The following RNF13 variants were observed in gnomAD, a reference collection of about 807,000 sequenced individuals.
The protein encoded by RNF13 is ring finger protein 13, also known as E3 ubiquitin-protein ligase RNF13.
A neutral mutation model predicts 37.7 loss-of-function variants in RNF13; 19 were observed. The observed-to-expected ratio is 0.50, with a 90% CI of 0.35 to 0.74. The LOEUF (loss-of-function observed/expected upper bound fraction) is 0.74, where lower values mean the gene tolerates loss of function less well. Ranked by LOEUF, RNF13 falls within the 30% of genes least tolerant of loss-of-function variation. The pLI is 0.01. For missense variants in RNF13, 375 were observed against 453.0 expected, an observed-to-expected ratio of 0.83 and a Z score of 1.56; for synonymous variants, 144 against 157.8, an observed-to-expected ratio of 0.91 and a Z score of 0.65.
At chr3:149,948,808 C>CT (rs775624922) in intron 8 of RNF13, among the ~76,000 whole-genome samples, 23 of 152,210 alleles carry the variant, frequency 1.5e-4, no homozygotes, top group Non-Finnish European at 3.2e-4. Context: ...GGGCGGATCA[C>CT]TTGAGTTCAG....
chr3:149,861,829 A>G (rs769858997), intron 3 of RNF13, among the ~76,000 whole-genome samples: 2 of 152,158 alleles, frequency 1.3e-5, no homozygotes, highest in African/African-American at 2.4e-5. Context: ...ACTCAAGGTA[A>G]TAGGTTCCTC....
At chr3:149,828,232 A>G (rs967076390) in intron 1 of RNF13, among the ~76,000 whole-genome samples, 4 of 152,202 alleles carry the variant, frequency 2.6e-5, no homozygotes, top group Non-Finnish European at 5.9e-5. Flanking sequence ...AGTGCAAGTT[A>G]CTATTTTCCT....
chr3:149,952,097 G>C lies in RNF13; in HGVS notation c.701-7959G>C, dbSNP rs140478898. 2.6e-3 allele frequency among the ~76,000 whole-genome samples: 400 copies of C among 152,170 alleles called. 2 individuals carry two copies. Among genetic ancestry groups the C allele is most frequent in the African/African-American group, 9.2e-3 (381 of 41,498 alleles). On this transcript the variant is annotated intron_variant, in intron 8 of 9. Coordinates refer to ENST00000392894, the MANE Select transcript of RNF13 (RefSeq NM_183381.3). ...GACCATTTTTGAGACAAACTAATTT[G>C]CTGAAAGTTCAAGTCTACTAGCAGT...
intron 1 of RNF13, among the ~76,000 whole-genome samples, chr3:149,835,633 TTGTGTGTGTGTGTG>T (rs3039646): frequency 4.3e-5 from 6 of 138,746 alleles, no homozygotes; most frequent in Non-Finnish European, 8.0e-5. Flanking sequence ...TAGTATTCCA[TTGTGTGTGTGTGTG>T]TGTGTGTGTG....
At chr3:149,873,574 A>C (rs569244040) in intron 4 of RNF13, among the ~76,000 whole-genome samples, 73 of 152,232 alleles carry the variant, frequency 4.8e-4, no homozygotes, top group African/African-American at 1.8e-3. Flanking sequence ...GAACTCTCTC[A>C]ACTGGCTGTG....
At chr3:149,840,772 A>C (rs1302455771) in intron 1 of RNF13, among the ~76,000 whole-genome samples, 1 of 152,198 alleles carries the variant, frequency 6.6e-6, no homozygotes, top group East Asian at 1.9e-4. Flanking sequence ...TACCAGGTTC[A>C]CTAGCTTGGT....
At chr3:149,948,287 C>T (rs1027043707) in intron 8 of RNF13, among the ~76,000 whole-genome samples, 1 of 152,136 alleles carries the variant, frequency 6.6e-6, no homozygotes, top group Non-Finnish European at 1.5e-5. Flanking sequence ...TTCTTGTAAG[C>T]ACTTTATTGT....
chr3:149,903,886 G>A (rs184059444), intron 6 of RNF13, among the ~76,000 whole-genome samples: 268 of 152,116 alleles, frequency 1.8e-3, no homozygotes, highest in South Asian at 4.8e-3. Flanking sequence ...ATAAGGAATT[G>A]TAGACCCGTA....
At chr3:149,834,913 A>G (rs1375412773) in intron 1 of RNF13, among the ~76,000 whole-genome samples, 1 of 152,216 alleles carries the variant, frequency 6.6e-6, no homozygotes, top group African/African-American at 2.4e-5. Flanking sequence ...TGATAGAGAA[A>G]GGCATTGTAC....
At chr3:149,906,003 T>A (rs1716349705) in intron 6 of RNF13, among the ~76,000 whole-genome samples, 1 of 152,182 alleles carries the variant, frequency 6.6e-6, no homozygotes, top group South Asian at 2.1e-4. Flanking sequence ...TCCTTCTTCG[T>A]CCACTCCAGC....
chr3:149,825,486 ATGT>A (rs1011852285), intron 1 of RNF13, among the ~76,000 whole-genome samples: 3 of 152,138 alleles, frequency 2.0e-5, no homozygotes, highest in African/African-American at 4.8e-5. Context: ...CTTGATGCAG[ATGT>A]TGTACATTCC....
At chr3:149,824,039 A>C (rs1039994899) in intron 1 of RNF13, among the ~76,000 whole-genome samples, 1 of 152,244 alleles carries the variant, frequency 6.6e-6, no homozygotes, top group Non-Finnish European at 1.5e-5. Flanking sequence ...GGAGGTGCTC[A>C]AGAATGTTGG....
chr3:149,884,333 T>G (rs1238559543), intron 4 of RNF13, among the ~76,000 whole-genome samples: 1 of 152,046 alleles, frequency 6.6e-6, no homozygotes, highest in Non-Finnish European at 1.5e-5. Flanking sequence ...GCACTACTAT[T>G]TTAGCTGTAC....
rs185927101 is a variant in RNF13, at chr3:149,945,111, G to C, written c.701-14945G>C. ...TTTTTGTCAGGTTTGTCAAAGATCAGATGGTTGTAGATGTGTGATATTATT... is the reference window on the plus strand; with the variant it reads ...TTTTTGTCAGGTTTGTCAAAGATCACATGGTTGTAGATGTGTGATATTATT... On this transcript the variant is annotated intron_variant, in intron 8 of 9. Coordinates refer to ENST00000392894, the MANE Select transcript of RNF13 (RefSeq NM_183381.3). Among the ~76,000 whole-genome samples the C allele has an allele frequency of 5.5e-3, 838 of 152,328 alleles. 5 individuals carry two copies. Among genetic ancestry groups the C allele is most frequent in the Non-Finnish European group, 8.4e-3 (573 of 68,024 alleles).
chr3:149,912,957 C>T (rs1409067258), intron 7 of RNF13, among the ~76,000 whole-genome samples: 1 of 152,060 alleles, frequency 6.6e-6, no homozygotes, highest in Admixed American at 6.6e-5. Context: ...TTGAAAATCC[C>T]TCTGTATTCT....
chr3:149,849,271 T>C (rs1435813068), intron 2 of RNF13, among the ~76,000 whole-genome samples: 1 of 152,200 alleles, frequency 6.6e-6, no homozygotes, highest in Non-Finnish European at 1.5e-5. Context: ...ACATCCATCT[T>C]ATATGAGAGT....
intron 6 of RNF13, among the ~76,000 whole-genome samples, chr3:149,908,916 T>G (rs777228050): frequency 2.0e-5 from 3 of 152,190 alleles, no homozygotes; most frequent in Non-Finnish European, 2.9e-5. Flanking sequence ...TAAGACCCTA[T>G]TTTCTGGGTT....
intron 1 of RNF13, among the ~76,000 whole-genome samples, chr3:149,821,824 A>G (rs1276092451): frequency 6.6e-6 from 1 of 152,046 alleles, no homozygotes; most frequent in Admixed American, 6.6e-5. Context: ...TTTTGTGTTA[A>G]TTGTTGTATA....
At chr3:149,952,487 A>G (rs1381763313) in intron 8 of RNF13, among the ~76,000 whole-genome samples, 1 of 152,246 alleles carries the variant, frequency 6.6e-6, no homozygotes, top group East Asian at 1.9e-4. Context: ...GATGTACATA[A>G]ATTTGAGTTT....
Sources: allele counts gnomAD v4.1 joint callset (sites outside exome capture counted in the v4.1 genomes callset), GRCh38; gene constraint gnomAD v4.1.1; transcripts MANE v1.5; gene names NCBI Gene and HGNC (gene_info 2026-07-23, HGNC 2026-07-21).